The following GPR34 variants were observed in gnomAD, a reference collection of about 807,000 sequenced individuals.
The protein encoded by GPR34 is G protein-coupled receptor 34, also known as probable G protein-coupled receptor 34.
A neutral mutation model predicts 14.1 loss-of-function variants in GPR34; 3 were observed. The observed-to-expected ratio is 0.21, with a 90% CI of 0.10 to 0.55. The LOEUF is 0.55. GPR34 is among the 20% of genes least tolerant of loss of function. The probability of loss-of-function intolerance (pLI) is 0.94; values close to 1 mark genes in which losing one functional copy is unlikely to be tolerated. For synonymous variants in GPR34, 99 were observed against 99.9 expected, an observed-to-expected ratio of 0.99 and a Z score of 0.05; for missense variants, 213 against 292.8, an observed-to-expected ratio of 0.73 and a Z score of 1.99.
At chrX:41,690,965 G>A (rs1036250207) in intron 2 of GPR34, among the ~76,000 whole-genome samples, 1 of 111,511 alleles carries the variant, frequency 9.0e-6, no homozygotes, top group African/African-American at 3.3e-5. Flanking sequence ...GAACCATGGC[G>A]CTCAGCTGTC....
chrX:41,690,461 C>T (rs1288283352), intron 2 of GPR34, among the ~76,000 whole-genome samples: 1 of 109,973 alleles, frequency 9.1e-6, no homozygotes, highest in African/African-American at 3.3e-5. Context: ...ATTCTCCAGC[C>T]TCAGCCTCCG....
In GPR34 at chrX:41,696,051, A is replaced by G. The variant is rs771945164; in HGVS notation, c.418A>G (p.Ile140Val). 2.4e-5 allele frequency: 29 copies of G among 1,206,837 alleles called. No homozygotes were observed. Among genetic ancestry groups the G allele is most frequent in the South Asian group, 3.5e-5 (2 of 56,688 alleles). ...AACACTGTTTTATATGAACATGTAC[A>G]TTAGCATTATTTTGCTTGGATTCAT... is the stretch of plus-strand genomic sequence containing the variant. ...VGTLFYMNMYISIILLGFISL... is the reference protein window; with the variant it reads ...VGTLFYMNMYVSIILLGFISL... Residue 140 changes from isoleucine (I) to valine (V), a missense_variant, in exon 3 of 3, where the codon ATT becomes GTT. By Grantham distance (29) the Ile-to-Val change is conservative. Coordinates refer to ENST00000378142, the MANE Select transcript of GPR34 (RefSeq NM_001097579.2).
chrX:41,690,873 A>G (rs1366726576), intron 2 of GPR34, among the ~76,000 whole-genome samples: 1 of 108,567 alleles, frequency 9.2e-6, no homozygotes, highest in Non-Finnish European at 1.9e-5. Flanking sequence ...GGGTTTCACC[A>G]TCTTGCCCAG....
Position 41,695,903 on chromosome X carries a change from A to T in GPR34, c.270A>T (p.Gln90His). Residue 90 changes from glutamine (Q) to histidine (H), a missense_variant, in exon 3 of 3, where the codon CAA (glutamine) becomes CAT (histidine). Transcript: ENST00000378142. ...LGIHRKRNSIQIYLLNVAIAD... is the reference protein window; with the variant it reads ...LGIHRKRNSIHIYLLNVAIAD... ...TTCACCGTAAAAGAAATTCCATTCA[A>T]ATTTATCTACTTAACGTAGCCATTG... The T allele has an allele frequency of 2.5e-6, 3 of 1,209,700 alleles. No individual in the cohort carries two copies. Among genetic ancestry groups the T allele is most frequent in the Non-Finnish European group, 3.4e-6 (3 of 893,826 alleles).
intron 2 of GPR34, among the ~76,000 whole-genome samples, chrX:41,694,743 A>T (rs1420306331): frequency 9.0e-6 from 1 of 111,598 alleles, no homozygotes; most frequent in African/African-American, 3.3e-5. Context: ...AGTCTGTGTA[A>T]CCTTGCAGGT....
chrX:41,696,692 T>C lies in GPR34; in HGVS notation c.1059T>C (p.Ser353=), dbSNP rs2067695670. The C allele has an allele frequency of 8.3e-7, 1 of 1,206,002 alleles. No homozygotes were observed. Among genetic ancestry groups the C allele is most frequent in the African/African-American group, 1.7e-5 (1 of 57,203 alleles). The change falls in exon 3 of 3, where the codon AGT becomes AGC. Residue 353 remains serine, a synonymous_variant. Coordinates refer to ENST00000378142, the MANE Select transcript of GPR34 (RefSeq NM_001097579.2). ...FRRFQGEPSR[S]ESTSEFKPGY... ...GATTTCAAGGTGAACCAAGTAGGAGTGAAAGCACTTCAGAATTTAAACCAG... is the reference window on the plus strand; with the variant it reads ...GATTTCAAGGTGAACCAAGTAGGAGCGAAAGCACTTCAGAATTTAAACCAG...
intron 2 of GPR34, among the ~76,000 whole-genome samples, chrX:41,693,940 G>C (rs1418394801): frequency 9.1e-6 from 1 of 109,909 alleles, no homozygotes; most frequent in Non-Finnish European, 1.9e-5. Context: ...TATGTGTAGA[G>C]CTTTAAGAAA....
chrX:41,695,887 A>G lies in GPR34; in HGVS notation c.254A>G (p.Lys85Arg). The G allele has an allele frequency of 8.3e-7, 1 of 1,209,543 alleles. No homozygotes were observed. Among genetic ancestry groups the G allele is most frequent in the Non-Finnish European group, 1.1e-6 (1 of 893,495 alleles). ...TATGTATTTCTGGGTATTCACCGTA[A>G]AAGAAATTCCATTCAAATTTATCTA... ...ALYVFLGIHR[K>R]RNSIQIYLLN... Residue 85 changes from lysine to arginine, a missense_variant, in exon 3 of 3, where the codon AAA (lysine) becomes AGA (arginine). By Grantham distance (26) the Lys-to-Arg change is conservative. Coordinates refer to ENST00000378142, the MANE Select transcript of GPR34 (RefSeq NM_001097579.2).
chrX:41,691,170 T>C (rs2067549422), intron 2 of GPR34, among the ~76,000 whole-genome samples: 1 of 111,969 alleles, frequency 8.9e-6, no homozygotes, highest in African/African-American at 3.2e-5. Flanking sequence ...CTGAGGCAAA[T>C]GGTTTCAGGA....
In GPR34 at chrX:41,697,026, T is replaced by G. The variant is rs1262278609; in HGVS notation, c.*247T>G. On this transcript the variant is annotated 3_prime_UTR_variant, in exon 3 of 3. Transcript: ENST00000378142. ...ATAGATTATGAAGTTAAGTGAAATT[T>G]ATGGCTCTAACAGCAAAATAATTAA... 1.1e-5 allele frequency: 3 copies of G among 264,084 alleles called. No homozygotes were observed. Among genetic ancestry groups the G allele is most frequent in the Non-Finnish European group, 2.1e-5 (3 of 143,180 alleles). 21.8% of individuals were successfully genotyped at this position (264,084 alleles called of 1,213,427 possible).
rs1465292422 is a variant in GPR34, at chrX:41,691,403, G to A, written c.-80+1568G>A. Among the ~76,000 whole-genome samples the A allele has an allele frequency of 5.4e-5, 6 of 111,916 alleles. No homozygotes were observed. The Admixed American group carries it at 5.7e-4, about 11-fold the overall frequency. ...GATGGCATAACCTGTTCTTAAAATTGTTAAAGTGTATGTTAAAGGAATCAT... is the reference window on the plus strand; with the variant it reads ...GATGGCATAACCTGTTCTTAAAATTATTAAAGTGTATGTTAAAGGAATCAT... On this transcript the variant is annotated intron_variant, in intron 2 of 2. Coordinates refer to ENST00000378142, the MANE Select transcript of GPR34 (RefSeq NM_001097579.2).
At chrX:41,689,688 T>G (rs865950490) in intron 1 of GPR34, 55 bp from the exon 2 acceptor site, 1 of 111,618 alleles carries the variant, frequency 9.0e-6, no homozygotes, top group Non-Finnish European at 1.9e-5. Context: ...CCTAACACAC[T>G]ATTAATAGTA....
chrX:41,691,201 C>G (rs2067549993), intron 2 of GPR34, among the ~76,000 whole-genome samples: 1 of 111,889 alleles, frequency 8.9e-6, no homozygotes, highest in Non-Finnish European at 1.9e-5. Flanking sequence ...GTGCTAACAG[C>G]TTTCTGGAGA....
chrX:41,696,951 T>C lies in GPR34; in HGVS notation c.*172T>C, dbSNP rs1386234575. 1.2e-5 allele frequency: 4 copies of C among 343,327 alleles called. No homozygotes were observed. The highest frequency in any genetic ancestry group is 2.6e-5 in the African/African-American group (1 of 37,963). The allele number at this position is 343,327 out of a possible 1,213,427, so 28.3% of individuals were successfully genotyped here. ...CCATTTCAAGGTACTAACTTTTAAATCTGTATGTAAAATCTTTTCAAAATA... is the reference window on the plus strand; with the variant it reads ...CCATTTCAAGGTACTAACTTTTAAACCTGTATGTAAAATCTTTTCAAAATA... On this transcript the variant is annotated 3_prime_UTR_variant, in exon 3 of 3. Coordinates refer to ENST00000378142, the MANE Select transcript of GPR34 (RefSeq NM_001097579.2).
intron 2 of GPR34, 86 bp from the exon 3 acceptor site, chrX:41,695,469 G>A (rs980253054): frequency 2.3e-6 from 1 of 439,290 alleles, no homozygotes; most frequent in Non-Finnish European, 4.0e-6. Context: ...GCGTGTGCTG[G>A]GAAGCCCAGC....
chrX:41,691,407 A>C (rs1303051611), intron 2 of GPR34, among the ~76,000 whole-genome samples: 2 of 112,008 alleles, frequency 1.8e-5, no homozygotes, highest in Non-Finnish European at 1.9e-5. Context: ...AAAATTGTTA[A>C]AGTGTATGTT....
intron 2 of GPR34, among the ~76,000 whole-genome samples, chrX:41,692,391 A>T (rs929989441): frequency 3.6e-5 from 4 of 111,831 alleles, no homozygotes; most frequent in African/African-American, 1.3e-4. Context: ...AACCACTGAT[A>T]ATCCCTTCTA....
intron 2 of GPR34, among the ~76,000 whole-genome samples, chrX:41,690,663 T>A (rs1463109261): frequency 2.3e-5 from 2 of 87,830 alleles, no homozygotes; most frequent in African/African-American, 8.7e-5. Context: ...TCCCGGCCAA[T>A]TTTTTTTTTT....
At position 41,690,692 on chromosome X, in the gene GPR34, G is replaced by A. The variant is rs377054155; in HGVS notation, c.-80+857G>A. 5.8e-4 allele frequency among the ~76,000 whole-genome samples: 55 copies of A among 94,965 alleles called. 1 individual carries two copies. The East Asian group carries it at 9.9e-3, about 17-fold the overall frequency. The allele number at this position is 94,965 out of a possible 115,157, so 82.5% of individuals were successfully genotyped here. A position where few individuals can be genotyped will look rare whatever the true frequency, so the allele number is the denominator to read the frequency against. The stretch of plus-strand genomic sequence containing the variant: ...TTTTTTTTTTATGTTCTTTTTTTTT[G>A]AGACAAGGTCTTACTCCGTCACCCA... On this transcript the variant is annotated intron_variant, in intron 2 of 2. Coordinates refer to ENST00000378142, the MANE Select transcript of GPR34 (RefSeq NM_001097579.2).
Sources: allele counts gnomAD v4.1 joint callset (sites outside exome capture counted in the v4.1 genomes callset), GRCh38; gene constraint gnomAD v4.1.1; transcripts MANE v1.5; gene names NCBI Gene and HGNC (gene_info 2026-07-23, HGNC 2026-07-21).